Variants in ZFYVE28 observed in about 807,000 individuals in gnomAD.
ZFYVE28 encodes zinc finger FYVE-type containing 28.
Under a neutral mutation model 82.1 loss-of-function variants are expected in ZFYVE28, and 40 were observed. That is an observed-to-expected ratio of 0.49 (90% CI 0.38 to 0.63). The LOEUF (loss-of-function observed/expected upper bound fraction) is 0.63. Ranked by LOEUF, ZFYVE28 falls within the 30% of genes least tolerant of loss-of-function variation. The pLI is 0.00. For synonymous variants in ZFYVE28, 612 were observed against 546.1 expected, an observed-to-expected ratio of 1.12 and a Z score of -1.68; for missense variants, 1,321 against 1,242.1, an observed-to-expected ratio of 1.06 and a Z score of -0.96.
At chr4:2,302,543 G>A (rs1298041719) in intron 8 of ZFYVE28, among the ~76,000 whole-genome samples, 1 of 152,234 alleles carries the variant, frequency 6.6e-6, no homozygotes, top group Non-Finnish European at 1.5e-5. Context: ...GATGCCAACT[G>A]CAGCCACGTT....
intron 1 of ZFYVE28, among the ~76,000 whole-genome samples, chr4:2,412,909 TC>T (rs1434393786): frequency 2.6e-5 from 4 of 152,052 alleles, no homozygotes; most frequent in African/African-American, 9.7e-5. Flanking sequence ...CCTGCTTCCC[TC>T]CCCCGTCTGC....
chr4:2,313,581 T>C (rs1360032903), intron 7 of ZFYVE28, among the ~76,000 whole-genome samples: 1 of 151,884 alleles, frequency 6.6e-6, no homozygotes, highest in African/African-American at 2.4e-5. Context: ...AAGAAGAACA[T>C]AAGGGTGGGC....
At chr4:2,374,693 C>G (rs1428403977) in intron 1 of ZFYVE28, among the ~76,000 whole-genome samples, 1 of 152,172 alleles carries the variant, frequency 6.6e-6, no homozygotes, top group East Asian at 1.9e-4. Context: ...TTTGTGTGCT[C>G]ATATAGAAAA....
At chr4:2,364,307 GCCAGC>G (rs1726567222) in intron 1 of ZFYVE28, among the ~76,000 whole-genome samples, 1 of 152,234 alleles carries the variant, frequency 6.6e-6, no homozygotes, top group Non-Finnish European at 1.5e-5. Flanking sequence ...TGGGTGGACA[GCCAGC>G]CCCACACAGT....
chr4:2,413,814 A>T (rs924787763), intron 1 of ZFYVE28, among the ~76,000 whole-genome samples: 15 of 152,144 alleles, frequency 9.9e-5, no homozygotes, highest in East Asian at 5.8e-4. Context: ...CAAAGCAGGG[A>T]AGTCAAGGCA....
At chr4:2,353,396 G>C (rs1724766169) in intron 2 of ZFYVE28, among the ~76,000 whole-genome samples, 1 of 152,240 alleles carries the variant, frequency 6.6e-6, no homozygotes, top group Non-Finnish European at 1.5e-5. Context: ...CCGGAACTTT[G>C]TGAAAACCCC....
At chr4:2,406,448 G>C (rs1477752752) in intron 1 of ZFYVE28, 1 of 152,292 alleles carries the variant, frequency 6.6e-6, no homozygotes, top group Non-Finnish European at 1.5e-5. Context: ...AAAGAGGTGG[G>C]GCAGCCAGGC....
At chr4:2,322,066 C>T (rs992526292) in intron 6 of ZFYVE28, among the ~76,000 whole-genome samples, 2 of 152,366 alleles carry the variant, frequency 1.3e-5, no homozygotes, top group South Asian at 2.1e-4. Context: ...TTAGCTTTCG[C>T]GTGCTGGACG....
intron 1 of ZFYVE28, among the ~76,000 whole-genome samples, chr4:2,354,431 C>T (rs537791126): frequency 6.7e-5 from 10 of 149,324 alleles, no homozygotes; most frequent in Non-Finnish European, 1.0e-4. Flanking sequence ...GCGCTCCAGG[C>T]GACAAAAGCA....
At chr4:2,322,894 C>T (rs1021237935) in intron 6 of ZFYVE28, among the ~76,000 whole-genome samples, 12 of 152,302 alleles carry the variant, frequency 7.9e-5, no homozygotes, top group Admixed American at 2.0e-4. Flanking sequence ...CAAGGCTCAC[C>T]ATGCTGTGGC....
Position 2,398,234 on chromosome 4 carries a change from G to A in ZFYVE28, c.39+20051C>T, listed in dbSNP as rs572867290. Among the ~76,000 whole-genome samples the A allele has an allele frequency of 3.9e-4, 59 of 152,346 alleles. No homozygotes were observed. In the South Asian group the frequency reaches 0.012, roughly 30 times the overall value. ...GGAAGGCCAGTGCCCGTGCCAGGGTGCAGGGCACCGACACGGGAGGCCATT... is the reference window on the plus strand; with the variant it reads ...GGAAGGCCAGTGCCCGTGCCAGGGTACAGGGCACCGACACGGGAGGCCATT... On this transcript the variant is annotated intron_variant, in intron 1 of 12. Coordinates refer to ENST00000290974, the MANE Select transcript of ZFYVE28 (RefSeq NM_020972.3).
rs903350436 is a variant in ZFYVE28, at chr4:2,372,942, G to A, written c.40-18869C>T. Among the ~76,000 whole-genome samples, 42 of 152,028 alleles carry A rather than the reference G, an allele frequency of 2.8e-4. No individual in the cohort carries two copies. The highest frequency in any genetic ancestry group is 8.7e-4 in the African/African-American group (36 of 41,352). ...GACGACTAGGGAGGGAAAAACCACC[G>A]CATGCCCACCAGAAGACCACCACGT... On this transcript the variant is annotated intron_variant, in intron 1 of 12. Transcript: ENST00000290974. The surrounding 1 kb of genome is among the most constrained non-coding windows in gnomAD (Gnocchi z 5.2).
intron 1 of ZFYVE28, among the ~76,000 whole-genome samples, chr4:2,406,062 A>AAAAAAAAAAAAGAAAG: frequency 8.0e-6 from 1 of 125,080 alleles, no homozygotes; most frequent in Non-Finnish European, 1.6e-5. Context: ...AAAAAAAAAA[A>AAAAAAAAAAAAGAAAG]AAAGAAAGAA....
At chr4:2,289,021 T>G (rs998373075) in intron 8 of ZFYVE28, among the ~76,000 whole-genome samples, 5 of 150,818 alleles carry the variant, frequency 3.3e-5, no homozygotes, top group African/African-American at 9.8e-5. Context: ...TGGTGGCTCA[T>G]GCCTGTAATC....
At chr4:2,357,712 C>T (rs767213011) in intron 1 of ZFYVE28, among the ~76,000 whole-genome samples, 7 of 152,202 alleles carry the variant, frequency 4.6e-5, no homozygotes, top group Non-Finnish European at 1.0e-4. Context: ...GCTGACGAGA[C>T]ACCATCTGGC....
At chr4:2,322,080 G>A (rs566230105) in intron 6 of ZFYVE28, among the ~76,000 whole-genome samples, 1 of 152,222 alleles carries the variant, frequency 6.6e-6, no homozygotes, top group Non-Finnish European at 1.5e-5. Context: ...CTGGACGCAG[G>A]GCCGTGCACT....
rs112898111 is a variant in ZFYVE28, at chr4:2,339,737, G to A, written c.319-82C>T. ...TCGCCGACCCGGGGAACCTGACTGC[G>A]CACCTCGGGGCCCCTCTTCTCACCC... On this transcript the variant is annotated intron_variant, in intron 3 of 12. Transcript: ENST00000290974. The surrounding 1 kb of genome is among the most constrained non-coding windows in gnomAD (Gnocchi z 5.0). The A allele has an allele frequency of 0.02, 27,087 of 1,371,172 alleles. 390 individuals carry two copies. Among genetic ancestry groups the A allele is most frequent in the Middle Eastern group, 0.029 (114 of 3,890 alleles). 84.9% of individuals were successfully genotyped at this position (1,371,172 alleles called of 1,614,324 possible).
At chr4:2,357,100 T>A (rs1303174661) in intron 1 of ZFYVE28, among the ~76,000 whole-genome samples, 1 of 152,190 alleles carries the variant, frequency 6.6e-6, no homozygotes, top group African/African-American at 2.4e-5. Flanking sequence ...TTTCACTGTG[T>A]TGCCTGGGCT....
At chr4:2,403,598 G>A (rs2108676690) in intron 1 of ZFYVE28, among the ~76,000 whole-genome samples, 1 of 152,292 alleles carries the variant, frequency 6.6e-6, no homozygotes, top group East Asian at 1.9e-4. Flanking sequence ...GCACACAGCA[G>A]GGCCATAGAT....
Sources: allele counts gnomAD v4.1 joint callset (sites outside exome capture counted in the v4.1 genomes callset), GRCh38; gene constraint gnomAD v4.1.1; non-coding constraint Gnocchi (gnomAD v3.1); transcripts MANE v1.5; gene names NCBI Gene and HGNC (gene_info 2026-07-23, HGNC 2026-07-21).